Variants in WDR72 observed in about 807,000 individuals in gnomAD.
The protein encoded by WDR72 is WD repeat domain 72.
A neutral mutation model predicts 124.2 loss-of-function variants in WDR72; 120 were observed. That is an observed-to-expected ratio of 0.97 (90% CI 0.83 to 1.12). The LOEUF (loss-of-function observed/expected upper bound fraction) is 1.12, where lower values mean the gene tolerates loss of function less well. Ranked by LOEUF, WDR72 falls within the 50% of genes most tolerant of loss-of-function variation. WDR72 has a pLI of 0.00. For synonymous variants in WDR72, 452 were observed against 441.7 expected, an observed-to-expected ratio of 1.02 and a Z score of -0.29; for missense variants, 1,387 against 1,278.8, an observed-to-expected ratio of 1.08 and a Z score of -1.29.
chr15:53,654,878 G>A (rs1219210563), intron 14 of WDR72, among the ~76,000 whole-genome samples: 3 of 152,086 alleles, frequency 2.0e-5, no homozygotes, highest in African/African-American at 7.2e-5. Flanking sequence ...TATGCCTCAA[G>A]ATATTTTAAG....
chr15:53,690,232 A>G (rs1200971335), intron 13 of WDR72, among the ~76,000 whole-genome samples: 1 of 151,914 alleles, frequency 6.6e-6, no homozygotes, highest in Admixed American at 6.6e-5. Flanking sequence ...AAGAAAAAAA[A>G]CTTAAAAAAA....
At chr15:53,589,082 C>T (rs1299203082) in intron 18 of WDR72, among the ~76,000 whole-genome samples, 2 of 151,878 alleles carry the variant, frequency 1.3e-5, no homozygotes, top group Non-Finnish European at 2.9e-5. Context: ...AAGTTTCAGG[C>T]AAGGCTCAGG....
chr15:53,570,654 TC>T (rs1377668168), intron 18 of WDR72, among the ~76,000 whole-genome samples: 2 of 152,160 alleles, frequency 1.3e-5, no homozygotes, highest in East Asian at 3.9e-4. Context: ...ATTAGTTCAC[TC>T]CTGTGGAAAG....
chr15:53,706,080 CA>C lies in WDR72; in HGVS notation c.955-7del. ...ACAAAGGGACGGCTCTGTTCCTAAA[CA>C]AAAAGTGAGCTTTTATGTAGGAAAT... On this transcript the variant is annotated splice_region_variant and splice_polypyrimidine_tract_variant and intron_variant, in intron 9 of 19. Coordinates refer to ENST00000360509, the MANE Select transcript of WDR72 (RefSeq NM_182758.4). 1 of 1,613,668 alleles carries C rather than the reference CA, an allele frequency of 6.2e-7. No individual in the cohort carries two copies. Among genetic ancestry groups the C allele is most frequent in the Non-Finnish European group, 8.5e-7 (1 of 1,179,904 alleles).
intron 13 of WDR72, among the ~76,000 whole-genome samples, chr15:53,668,848 T>C (rs1461217015): frequency 1.4e-5 from 2 of 143,374 alleles, no homozygotes; most frequent in Admixed American, 1.5e-4. Flanking sequence ...GAGGCTGCAG[T>C]GAGCTGTGAT....
At chr15:53,680,594 T>C (rs1419763352) in intron 13 of WDR72, among the ~76,000 whole-genome samples, 1 of 152,216 alleles carries the variant, frequency 6.6e-6, no homozygotes, top group Admixed American at 6.5e-5. Context: ...AAGCCAATTG[T>C]TTTTATTAAA....
At chr15:53,587,110 A>G (rs2012252905) in intron 18 of WDR72, among the ~76,000 whole-genome samples, 1 of 152,038 alleles carries the variant, frequency 6.6e-6, no homozygotes, top group Admixed American at 6.6e-5. Flanking sequence ...GATGGCCTGC[A>G]ATGCTTAGGA....
intron 18 of WDR72, among the ~76,000 whole-genome samples, chr15:53,562,030 C>T (rs936187738): frequency 5.3e-5 from 8 of 151,732 alleles, no homozygotes; most frequent in African/African-American, 1.9e-4. Context: ...AACATTAATA[C>T]ATTTTTATCT....
chr15:53,582,209 T>C (rs1231018818), intron 18 of WDR72, among the ~76,000 whole-genome samples: 1 of 151,974 alleles, frequency 6.6e-6, no homozygotes. Context: ...AAACCATATA[T>C]GTTTTACATA....
chr15:53,681,348 G>T (rs572191655), intron 13 of WDR72, among the ~76,000 whole-genome samples: 7 of 152,240 alleles, frequency 4.6e-5, no homozygotes, highest in African/African-American at 1.7e-4. Context: ...ACCCACTAAC[G>T]TTCCAAGTGT....
intron 14 of WDR72, among the ~76,000 whole-genome samples, chr15:53,617,625 T>C (rs1454285293): frequency 6.6e-6 from 1 of 151,760 alleles, no homozygotes; most frequent in Non-Finnish European, 1.5e-5. Flanking sequence ...CTCTTACAGA[T>C]GGATGAATGG....
intron 14 of WDR72, among the ~76,000 whole-genome samples, chr15:53,664,187 C>T (rs1307121713): frequency 1.3e-5 from 2 of 152,110 alleles, no homozygotes; most frequent in Admixed American, 6.6e-5. Context: ...GAATGAATAT[C>T]CTCTGGGCTC....
At chr15:53,539,496 G>C (rs1055007241) in intron 18 of WDR72, among the ~76,000 whole-genome samples, 1 of 151,900 alleles carries the variant, frequency 6.6e-6, no homozygotes, top group Non-Finnish European at 1.5e-5. Flanking sequence ...TTACCTGAGA[G>C]TAAAAGAGTA....
At chr15:53,757,829 C>A (rs1475941004) in intron 1 of WDR72, among the ~76,000 whole-genome samples, 1 of 152,002 alleles carries the variant, frequency 6.6e-6, no homozygotes, top group Non-Finnish European at 1.5e-5. Flanking sequence ...TTTCAAGGTT[C>A]CTTTAAGTTA....
chr15:53,574,725 C>CA (rs1338248564), intron 18 of WDR72, among the ~76,000 whole-genome samples: 2 of 151,974 alleles, frequency 1.3e-5, no homozygotes, highest in Admixed American at 1.3e-4. Context: ...TTTTATGTAA[C>CA]AAATGACATC....
At chr15:53,577,719 G>A (rs2011688941) in intron 18 of WDR72, among the ~76,000 whole-genome samples, 1 of 152,102 alleles carries the variant, frequency 6.6e-6, no homozygotes, top group Non-Finnish European at 1.5e-5. Context: ...CATTAAGTGA[G>A]AATAAGAATC....
chr15:53,724,899 A>G (rs909322583), intron 2 of WDR72, among the ~76,000 whole-genome samples: 1 of 152,170 alleles, frequency 6.6e-6, no homozygotes, highest in African/African-American at 2.4e-5. Context: ...GTTACCATGG[A>G]GGAAATTTTA....
intron 17 of WDR72, among the ~76,000 whole-genome samples, chr15:53,597,957 G>A (rs1166247131): frequency 6.6e-6 from 1 of 152,070 alleles, no homozygotes; most frequent in Non-Finnish European, 1.5e-5. Flanking sequence ...CAGACTTGGT[G>A]GACAGACCTT....
chr15:53,644,643 C>T (rs1367493681), intron 14 of WDR72, among the ~76,000 whole-genome samples: 3 of 152,046 alleles, frequency 2.0e-5, no homozygotes, highest in Admixed American at 6.6e-5. Context: ...ACGTGTAAAT[C>T]GAACAGCAAG....
Sources: allele counts gnomAD v4.1 joint callset (sites outside exome capture counted in the v4.1 genomes callset), GRCh38; gene constraint gnomAD v4.1.1; transcripts MANE v1.5; gene names NCBI Gene and HGNC (gene_info 2026-07-23, HGNC 2026-07-21).